FAM120B: variants seen among roughly 807,000 people sequenced by gnomAD.
FAM120B encodes the protein constitutive coactivator of peroxisome proliferator-activated receptor gamma.
In FAM120B, 83 loss-of-function variants were observed where a neutral mutation model predicts 96.3. The observed-to-expected ratio is 0.86, with a 90% CI of 0.72 to 1.03. The LOEUF is 1.03. FAM120B is among the 50% of genes least tolerant of loss of function. The pLI, the probability that FAM120B is intolerant of heterozygous loss-of-function variation, is 0.00. For missense variants in FAM120B, 1,027 were observed against 1,121.2 expected (o/e 0.92, Z 1.20); for synonymous variants, 407 against 402.7 (o/e 1.01, Z -0.13).
intron 4 of FAM120B, among the ~76,000 whole-genome samples, chr6:170,334,367 T>C (rs1260464067): frequency 5.3e-5 from 8 of 152,220 alleles, no homozygotes; most frequent in African/African-American, 1.9e-4. Flanking sequence ...ATACATTTCA[T>C]GAAAAAAGGA....
In FAM120B at chr6:170,317,604, C is replaced by G; in HGVS notation, c.214C>G (p.Arg72Gly). 1 of 1,614,134 alleles carries G rather than the reference C, an allele frequency of 6.2e-7. No individual in the cohort carries two copies. The change falls in exon 2 of 11, where the codon CGA becomes GGA. Residue 72 changes from arginine (R) to glycine (G), a missense_variant. Transcript: ENST00000476287. The stretch of plus-strand genomic sequence containing the variant: ...GTGGCGAGAATACTTTTCTGCTTTG[C>G]GAGATTTTGTTAAAACTTTTACGGC... ...GQWREYFSAL[R>G]DFVKTFTAAG...
chr6:170,348,412 G>A (rs1011766183), intron 5 of FAM120B, 89 bp downstream of exon 5: 40 of 1,224,636 alleles, frequency 3.3e-5, no homozygotes, highest in Admixed American at 1.5e-4. Flanking sequence ...CTGGTGTCCC[G>A]GATTGTCTTT....
At position 170,295,541 on chromosome 6, in the gene FAM120B, C is replaced by G; in HGVS notation, c.48+88C>G. ...GCAGGAGCGCGACCCCCGGCGCGGG[C>G]AGCTCTGCGCGAAGGTGGGCGACGG... On this transcript the variant is annotated intron_variant, in intron 1 of 10. Transcript: ENST00000537664. The surrounding 1 kb of genome is among the most constrained non-coding windows in gnomAD (Gnocchi z 7.8). The G allele has an allele frequency of 1.6e-6, 1 of 610,196 alleles. No homozygotes were observed. Among genetic ancestry groups the G allele is most frequent in the Non-Finnish European group, 2.9e-6 (1 of 347,188 alleles). The allele number at this position is 610,196 out of a possible 1,614,324, so 37.8% of individuals were successfully genotyped here. A position where few individuals can be genotyped will look rare whatever the true frequency, so the allele number is the denominator to read the frequency against.
rs1788592701 is a variant in FAM120B at position 170,363,522 on chromosome 6, G to C, written c.2283+5204G>C. 6.6e-6 allele frequency among the ~76,000 whole-genome samples: 1 copy of C among 152,232 alleles called. No individual in the cohort carries two copies. Among genetic ancestry groups the C allele is most frequent in the African/African-American group, 2.4e-5 (1 of 41,458 alleles). The stretch of plus-strand genomic sequence containing the variant: ...ACAGCAAGCTGTGTGTGCTGTGTTT[G>C]TTAACATAGAGTGTGATGACTGATC... On this transcript the variant is annotated intron_variant, in intron 6 of 10. Coordinates refer to ENST00000476287, the MANE Select transcript of FAM120B (RefSeq NM_032448.3). This position sits in a 1 kb window ranked among gnomAD's most constrained non-coding sequence, Gnocchi z 4.5.
intron 1 of FAM120B, among the ~76,000 whole-genome samples, chr6:170,310,165 TAA>T (rs1784506160): frequency 6.6e-6 from 1 of 152,202 alleles, no homozygotes; most frequent in African/African-American, 2.4e-5. Flanking sequence ...TAGATGATAA[TAA>T]AAGCCTAAAT....
At chr6:170,322,067 T>G (rs1583197733) in intron 2 of FAM120B, among the ~76,000 whole-genome samples, 1 of 152,340 alleles carries the variant, frequency 6.6e-6, no homozygotes, top group Admixed American at 6.5e-5. Context: ...AACCTATATA[T>G]TCAGGCTATG....
Position 170,295,568 on chromosome 6 carries a change from G to A in FAM120B, c.48+115G>A. ...GCTCTGCGCGAAGGTGGGCGACGGT[G>A]GGGGCACAAGAACAGCAGCCGGGGG... is the stretch of plus-strand genomic sequence containing the variant. On this transcript the variant is annotated intron_variant, in intron 1 of 10. Transcript: ENST00000537664. This position sits in a 1 kb window ranked among gnomAD's most constrained non-coding sequence, Gnocchi z 7.8. 4 of 570,832 alleles carry A rather than the reference G, an allele frequency of 7.0e-6. No homozygotes were observed. The highest frequency in any genetic ancestry group is 3.4e-5 in the Admixed American group (1 of 29,492). The allele number at this position is 570,832 out of a possible 1,614,324, so 35.4% of individuals were successfully genotyped here.
intron 9 of FAM120B, among the ~76,000 whole-genome samples, chr6:170,400,765 T>C (rs937738115): frequency 3.3e-5 from 5 of 152,220 alleles, no homozygotes; most frequent in African/African-American, 2.4e-5. Flanking sequence ...GCAATGTCCG[T>C]CCTACCTCAG....
At chr6:170,403,447 C>A (rs1001833031) in intron 9 of FAM120B, among the ~76,000 whole-genome samples, 4 of 152,128 alleles carry the variant, frequency 2.6e-5, no homozygotes, top group Non-Finnish European at 4.4e-5. Context: ...GGTAAAATTT[C>A]TTGTGTTAGT....
At chr6:170,326,142 A>G (rs942443484) in intron 3 of FAM120B, among the ~76,000 whole-genome samples, 10 of 152,238 alleles carry the variant, frequency 6.6e-5, no homozygotes, top group African/African-American at 1.9e-4. Context: ...CCCTTCACTC[A>G]GATTCCTTCA....
chr6:170,391,075 G>T lies in FAM120B; in HGVS notation c.2553G>T (p.Glu851Asp). The change falls in exon 8 of 11, where the codon GAG becomes GAT. Residue 851 changes from glutamate to aspartate, a missense_variant. Physicochemically the swap from Glu to Asp is conservative, Grantham distance 45. Coordinates refer to ENST00000476287, the MANE Select transcript of FAM120B (RefSeq NM_032448.3). The part of the protein sequence containing the change: ...KAVVCKACMK[E>D]NRRITGRAHW... ...TCGTCTGCAAGGCCTGCATGAAGGA[G>T]AACAGACGCATCACTGGCCGAGCCC... 3.7e-6 allele frequency: 6 copies of T among 1,614,188 alleles called. No homozygotes were observed. The highest frequency in any genetic ancestry group is 4.2e-6 in the Non-Finnish European group (5 of 1,180,036).
intron 6 of FAM120B, among the ~76,000 whole-genome samples, chr6:170,371,089 C>A (rs892729198): frequency 6.6e-6 from 1 of 152,160 alleles, no homozygotes; most frequent in Admixed American, 6.5e-5. Context: ...AATTTTAGAA[C>A]CTTTTTGTCA....
chr6:170,386,547 G>A (rs1790196542), intron 6 of FAM120B, among the ~76,000 whole-genome samples: 2 of 152,108 alleles, frequency 1.3e-5, no homozygotes, highest in Non-Finnish European at 2.9e-5. Context: ...GAAGTATGAA[G>A]AAATAGAAAA....
In FAM120B at chr6:170,407,061, T is replaced by C. The variant is rs1285382438; in HGVS notation, c.*2310T>C. Reference sequence around the variant, plus strand: ...TAAAGCAAAATATATTTATTACTCATAACTAATATACTTTCACATTTCTCT... The same window carrying C: ...TAAAGCAAAATATATTTATTACTCACAACTAATATACTTTCACATTTCTCT... On this transcript the variant is annotated 3_prime_UTR_variant, in exon 11 of 11. Transcript: ENST00000476287. 6.6e-6 allele frequency: 1 copy of C among 152,254 alleles called. No homozygotes were observed. Among genetic ancestry groups the C allele is most frequent in the Non-Finnish European group, 1.5e-5 (1 of 68,048 alleles). 9.4% of individuals were successfully genotyped at this position (152,254 alleles called of 1,614,324 possible).
chr6:170,371,139 C>T (rs1323623799), intron 6 of FAM120B, among the ~76,000 whole-genome samples: 1 of 152,110 alleles, frequency 6.6e-6, no homozygotes, highest in Non-Finnish European at 1.5e-5. Context: ...AGTCTCCCTC[C>T]CCCCAGCCCC....
In FAM120B at chr6:170,370,508, A is replaced by C. The variant is rs9460126; in HGVS notation, c.2283+12190A>C. 0.32 allele frequency among the ~76,000 whole-genome samples: 48,865 copies of C among 151,996 alleles called. 9,191 individuals are homozygous for C. The highest frequency in any genetic ancestry group is 0.9 in the East Asian group (4,649 of 5,166). ...GAGCTGCTGTCCAGTCGTGCTCTGG[A>C]AGATCTGAGTTCTTTGAAGTTCTTC... On this transcript the variant is annotated intron_variant, in intron 6 of 10. Coordinates refer to ENST00000476287, the MANE Select transcript of FAM120B (RefSeq NM_032448.3). This position sits in a 1 kb window ranked among gnomAD's most constrained non-coding sequence, Gnocchi z 4.3.
intron 3 of FAM120B, among the ~76,000 whole-genome samples, chr6:170,326,153 A>G (rs1323552681): frequency 6.6e-6 from 1 of 152,218 alleles, no homozygotes; most frequent in African/African-American, 2.4e-5. Flanking sequence ...GATTCCTTCA[A>G]AGATGACATC....
chr6:170,347,418 C>T (rs1363959691), intron 4 of FAM120B, among the ~76,000 whole-genome samples: 6 of 152,116 alleles, frequency 3.9e-5, no homozygotes, highest in South Asian at 2.1e-4. Context: ...CAGTGTGAGT[C>T]GTCATCATTT....
intron 9 of FAM120B, among the ~76,000 whole-genome samples, chr6:170,400,127 C>T (rs1313022105): frequency 5.6e-4 from 73 of 131,000 alleles, no homozygotes; most frequent in African/African-American, 2.2e-3. Context: ...ATGTCATAAC[C>T]CTTAGGAGTG....
Sources: allele counts gnomAD v4.1 joint callset (sites outside exome capture counted in the v4.1 genomes callset), GRCh38; gene constraint gnomAD v4.1.1; non-coding constraint Gnocchi (gnomAD v3.1); transcripts MANE v1.5; gene names NCBI Gene and HGNC (gene_info 2026-07-23, HGNC 2026-07-21).